Variants in TP53I13 observed in about 807,000 individuals in gnomAD.
TP53I13 encodes the protein tumor protein p53 inducible protein 13.
TP53I13 carries 27 observed loss-of-function variants against 39.1 expected under a neutral mutation model. The observed-to-expected ratio is 0.69, with a 90% CI of 0.51 to 0.95. The LOEUF is 0.95. TP53I13 is among the 40% of genes least tolerant of loss of function. The pLI is 0.00. For missense variants in TP53I13, 544 were observed against 520.4 expected (o/e 1.05, Z -0.44); for synonymous variants, 230 against 224.6 (o/e 1.02, Z -0.22).
chr17:29,576,475 C>A (rs369858461), downstream of TP53I13: 7 of 1,613,034 alleles, frequency 4.3e-6, no homozygotes, highest in Non-Finnish European at 5.9e-6. Context: ...TGCTGTCAAC[C>A]CCCTGGAGTC....
chr17:29,566,830 T>G, upstream of TP53I13: 2 of 1,515,848 alleles, frequency 1.3e-6, no homozygotes, highest in Non-Finnish European at 1.8e-6. Context: ...CTCCTCCCCG[T>G]CGTCTCGGTC....
In TP53I13 at chr17:29,572,636, C is replaced by G. The variant is rs2032996000; in HGVS notation, c.1008C>G (p.Asn336Lys). ...CGCTCTGCACACGGCTGCACAGAAA[C>G]TTCCGACGCGGGGAGAGCATCTACT... ...LATLCTRLHR[N>K]FRRGESIYWG... Residue 336 changes from asparagine (N) to lysine (K), a missense_variant, in exon 6 of 7, where the codon AAC (asparagine) becomes AAG (lysine). By Grantham distance (94) the Asn-to-Lys change is moderately conservative. Transcript: ENST00000301057. The G allele has an allele frequency of 6.3e-7, 1 of 1,587,422 alleles. No individual in the cohort carries two copies. The highest frequency in any genetic ancestry group is 1.3e-5 in the African/African-American group (1 of 74,240).
rs745347071 is a variant in TP53I13, at chr17:29,571,605, C to T, written c.198C>T (p.Thr66=). The T allele has an allele frequency of 1.2e-6, 2 of 1,614,020 alleles. No individual in the cohort carries two copies. The highest frequency in any genetic ancestry group is 1.1e-5 in the South Asian group (1 of 91,088). ...CTTTCCTCCAGGCTGAGGATGTCAC[C>T]TTCCTCTACCACCCCTGTGCCCATC... ...RVSPGQAEDV[T]FLYHPCAHPW... Residue 66 remains threonine, a synonymous_variant, in exon 4 of 7, where the codon ACC becomes ACT. Coordinates refer to ENST00000301057, the MANE Select transcript of TP53I13 (RefSeq NM_138349.4).
At chr17:29,577,568 C>A (rs558801831), downstream of TP53I13, 7 of 957,824 alleles carry the variant, frequency 7.3e-6, no homozygotes, top group East Asian at 1.7e-4. Flanking sequence ...CTGGCTCAGG[C>A]CCCAGCCCAC....
chr17:29,569,389 G>A (rs1156909634), intron 3 of TP53I13, 30 bp downstream of exon 3: 5 of 1,611,514 alleles, frequency 3.1e-6, no homozygotes, highest in Non-Finnish European at 4.2e-6. Context: ...CACCACCCTT[G>A]GTGTCCACGC....
rs2032816478 is a variant in TP53I13, at chr17:29,568,971, G to A, written c.73-47G>A. 6 of 1,590,484 alleles carry A rather than the reference G, an allele frequency of 3.8e-6. No individual in the cohort carries two copies. Among genetic ancestry groups the A allele is most frequent in the Non-Finnish European group, 5.1e-6 (6 of 1,170,128 alleles). ...GCTGGGCCTGGGGAGAGAGAGGGCA[G>A]GGCCTCGCCGCGTCCAGCGCCCCAA... On this transcript the variant is annotated intron_variant, in intron 1 of 6. Transcript: ENST00000301057. This position sits in a 1 kb window ranked among gnomAD's most constrained non-coding sequence, Gnocchi z 4.5.
At chr17:29,575,445 G>A (rs2033157585), downstream of TP53I13, 3 of 1,610,528 alleles carry the variant, frequency 1.9e-6, no homozygotes, top group Non-Finnish European at 1.7e-6. The surrounding 1 kb of genome is among the most constrained non-coding windows in gnomAD (Gnocchi z 5.5). Context: ...TCTTTGCCCA[G>A]CTCTAGAAAC....
At chr17:29,575,142 G>A (rs1453646556), downstream of TP53I13, 3 of 1,596,412 alleles carry the variant, frequency 1.9e-6, no homozygotes, top group East Asian at 6.7e-5. The surrounding 1 kb of genome is among the most constrained non-coding windows in gnomAD (Gnocchi z 5.5). Flanking sequence ...AGGGCACGAA[G>A]CTGCGGGGAG....
chr17:29,577,889 G>A, downstream of TP53I13: 1 of 635,140 alleles, frequency 1.6e-6, no homozygotes, highest in Non-Finnish European at 2.8e-6. Flanking sequence ...GGCACGCAGA[G>A]CTAGGCCGGG....
At chr17:29,578,699 C>T in the TP53I13 span, 1 of 1,597,266 alleles carries the variant, frequency 6.3e-7, no homozygotes, top group Non-Finnish European at 8.6e-7. Context: ...GGGCCAGCTT[C>T]AAGTGTCAGG....
intron 3 of TP53I13, chr17:29,570,504 CA>C (rs766480431): frequency 2.9e-3 from 386 of 134,096 alleles, no homozygotes; most frequent in Admixed American, 4.1e-3. Flanking sequence ...GAGACTGTCT[CA>C]AAAAAAAAAA....
At chr17:29,578,896 T>C in the TP53I13 span, 23 of 1,581,198 alleles carry the variant, frequency 1.5e-5, no homozygotes, top group Middle Eastern at 5.0e-4. Context: ...CCCCAGATGC[T>C]GCACACCAAA....
At chr17:29,569,537 G>A (rs182125251) in intron 3 of TP53I13, 178 bp downstream of exon 3, 1 of 589,622 alleles carries the variant, frequency 1.7e-6, no homozygotes, top group East Asian at 2.8e-5. Context: ...CCCCAGGACA[G>A]ATGGCTCAAA....
chr17:29,569,830 A>G (rs1054455426), intron 3 of TP53I13: 1 of 153,020 alleles, frequency 6.5e-6, no homozygotes, highest in Non-Finnish European at 1.5e-5. Context: ...GTGTGCCTCC[A>G]GTTGCCAGGC....
upstream of TP53I13, chr17:29,568,665 C>CTCGGG: frequency 2.3e-6 from 1 of 431,740 alleles, no homozygotes; most frequent in Non-Finnish European, 2.7e-6. This position sits in a 1 kb window ranked among gnomAD's most constrained non-coding sequence, Gnocchi z 4.5. Flanking sequence ...GCGGCGCGGG[C>CTCGGG]GGCGCGGGGG....
At chr17:29,567,007 C>A, upstream of TP53I13, 3 of 1,268,936 alleles carry the variant, frequency 2.4e-6, no homozygotes, top group East Asian at 3.2e-5. The surrounding 1 kb of genome is among the most constrained non-coding windows in gnomAD (Gnocchi z 6.6). Flanking sequence ...GGCGGCGGGG[C>A]CGTCTACTCG....
chr17:29,568,655 GCGGCGCGGGC>G (rs2032792347), upstream of TP53I13: 6 of 743,470 alleles, frequency 8.1e-6, no homozygotes, highest in South Asian at 6.0e-5. This position sits in a 1 kb window ranked among gnomAD's most constrained non-coding sequence, Gnocchi z 4.5. Context: ...GGACGCGCGG[GCGGCGCGGGC>G]GGCGCGGGGG....
downstream of TP53I13, chr17:29,575,102 C>T (rs1450513540): frequency 1.2e-5 from 19 of 1,599,826 alleles, no homozygotes; most frequent in Non-Finnish European, 1.6e-5. The surrounding 1 kb of genome is among the most constrained non-coding windows in gnomAD (Gnocchi z 5.5). Context: ...GAGGCCATCT[C>T]GGTCACAGCC....
chr17:29,577,299 G>A (rs1308970274), downstream of TP53I13: 3 of 1,378,916 alleles, frequency 2.2e-6, no homozygotes, highest in Non-Finnish European at 3.1e-6. Flanking sequence ...TATGACTGAC[G>A]CAGGACGGCA....
Sources: gnomAD v4.1 joint callset for allele counts on GRCh38, gnomAD v4.1.1 for gene constraint, Gnocchi (gnomAD v3.1) non-coding constraint, MANE v1.5 for transcripts, NCBI Gene and HGNC (gene_info 2026-07-23, HGNC 2026-07-21) for gene names.